The following DNAH11 variants were observed in gnomAD, a reference collection of about 807,000 sequenced individuals.
DNAH11 encodes dynein axonemal heavy chain 11, also known as axonemal beta dynein heavy chain 11.
DNAH11 carries 442 observed loss-of-function variants against 526.0 expected under a neutral mutation model. That is an observed-to-expected ratio of 0.84 (90% CI 0.78 to 0.91). The LOEUF (loss-of-function observed/expected upper bound fraction) is 0.91. Ranked by LOEUF, DNAH11 falls within the 40% of genes least tolerant of loss-of-function variation. DNAH11 has a pLI of 0.00. For synonymous variants in DNAH11, 2,461 were observed against 1,935.9 expected, an observed-to-expected ratio of 1.27 and a Z score of -7.12; for missense variants, 6,989 against 5,448.7, an observed-to-expected ratio of 1.28 and a Z score of -8.90.
chr7:21,735,639 G>C lies in DNAH11; in HGVS notation c.7441-1G>C, dbSNP rs2128489042. On this transcript the variant is annotated splice_acceptor_variant, in intron 45 of 81. Transcript: ENST00000409508. LOFTEE classifies it high-confidence loss of function. Reference sequence around the variant, plus strand: ...TTGTCTCATTCTGTTTCTCCTCCCAGACAGTTCTCGTTCACACAACAGAGA... The same window carrying C: ...TTGTCTCATTCTGTTTCTCCTCCCACACAGTTCTCGTTCACACAACAGAGA... 1 of 1,575,574 alleles carries C rather than the reference G, an allele frequency of 6.3e-7. No homozygotes were observed. The highest frequency in any genetic ancestry group is 8.6e-7 in the Non-Finnish European group (1 of 1,159,062).
At chr7:21,801,755 A>G (rs1789006412) in intron 62 of DNAH11, among the ~76,000 whole-genome samples, 1 of 152,212 alleles carries the variant, frequency 6.6e-6, no homozygotes, top group Non-Finnish European at 1.5e-5. Context: ...TCCTTTTAAT[A>G]TACATTTGCC....
intron 56 of DNAH11, 58 bp downstream of exon 56, chr7:21,774,057 AT>A: frequency 7.2e-7 from 1 of 1,397,266 alleles, no homozygotes; most frequent in South Asian, 1.5e-5. Flanking sequence ...AGAAAAATAT[AT>A]TTCCTTTTGA....
chr7:21,767,356 T>C (rs917116358), intron 55 of DNAH11, among the ~76,000 whole-genome samples: 1 of 152,182 alleles, frequency 6.6e-6, no homozygotes, highest in African/African-American at 2.4e-5. Context: ...CACAGTGCTT[T>C]TTACAGTTTC....
intron 25 of DNAH11, among the ~76,000 whole-genome samples, chr7:21,632,638 G>A (rs765341544): frequency 1.3e-5 from 2 of 152,136 alleles, no homozygotes; most frequent in East Asian, 1.9e-4. Flanking sequence ...CTTTGTTCCA[G>A]TTCCCAACAA....
At chr7:21,653,336 C>G (rs1781868828) in intron 28 of DNAH11, among the ~76,000 whole-genome samples, 3 of 152,144 alleles carry the variant, frequency 2.0e-5, no homozygotes, top group African/African-American at 2.4e-5. Flanking sequence ...TAGTCTTGTT[C>G]CCTCAGAAAG....
At chr7:21,765,389 T>C (rs1787129646) in intron 54 of DNAH11, 39 bp from the exon 55 acceptor site, 1 of 1,612,432 alleles carries the variant, frequency 6.2e-7, no homozygotes. Context: ...TGCTCATTCA[T>C]CACCCGCCTG....
chr7:21,592,977 G>T lies in DNAH11; in HGVS notation c.2667+1400G>T, dbSNP rs367786545. 7.6e-4 allele frequency among the ~76,000 whole-genome samples: 116 copies of T among 152,284 alleles called. No individual in the cohort carries two copies. The Middle Eastern group carries it at 0.014, about 18-fold the overall frequency. ...GACTAGAATTGCAAATGTGTCTTGT[G>T]TTCAGGGCAAAATCCAGGTAAGTAA... is the stretch of plus-strand genomic sequence containing the variant. On this transcript the variant is annotated intron_variant, in intron 14 of 81. Coordinates refer to ENST00000409508, the MANE Select transcript of DNAH11 (RefSeq NM_001277115.2).
chr7:21,561,816 T>C (rs1783469934), intron 5 of DNAH11, among the ~76,000 whole-genome samples: 1 of 152,236 alleles, frequency 6.6e-6, no homozygotes, highest in African/African-American at 2.4e-5. Context: ...CATTTAGTTA[T>C]GGATATACAT....
chr7:21,855,637 C>T (rs1473310402), intron 68 of DNAH11, among the ~76,000 whole-genome samples: 1 of 152,176 alleles, frequency 6.6e-6, no homozygotes, highest in African/African-American at 2.4e-5. Flanking sequence ...GTAACTGTTT[C>T]CAAAGCCCAC....
chr7:21,599,901 G>T lies in DNAH11; in HGVS notation c.2782G>T (p.Asp928Tyr). 1 of 1,610,848 alleles carries T rather than the reference G, an allele frequency of 6.2e-7. No individual in the cohort carries two copies. The highest frequency in any genetic ancestry group is 8.5e-7 in the Non-Finnish European group (1 of 1,177,936). The part of the protein sequence containing the change: ...GFFQAIMHDL[D>Y]FFLKNTEKQL... ...TTTTCAGGCTATAATGCACGACTTAGACTTCTTTCTGAAGAATACAGAGAA... is the reference window on the plus strand; with the variant it reads ...TTTTCAGGCTATAATGCACGACTTATACTTCTTTCTGAAGAATACAGAGAA... Residue 928 changes from aspartate (D) to tyrosine (Y), a missense_variant, in exon 15 of 82, where the codon GAC becomes TAC. Asp to Tyr is a radical substitution (Grantham distance 160). Transcript: ENST00000409508.
At chr7:21,616,406 C>T (rs1235877354) in intron 22 of DNAH11, 114 bp downstream of exon 22, 2 of 758,484 alleles carry the variant, frequency 2.6e-6, no homozygotes, top group Non-Finnish European at 4.1e-6. Context: ...TTACTTCTAA[C>T]AGAGTGATAG....
chr7:21,788,454 C>G (rs1467616078), intron 60 of DNAH11, among the ~76,000 whole-genome samples: 1 of 151,986 alleles, frequency 6.6e-6, no homozygotes, highest in Non-Finnish European at 1.5e-5. Context: ...AATAAAATGT[C>G]TCAGCCCCGT....
chr7:21,756,053 T>G (rs1245017456), intron 54 of DNAH11, among the ~76,000 whole-genome samples: 2 of 152,138 alleles, frequency 1.3e-5, no homozygotes, highest in African/African-American at 4.8e-5. Context: ...TGTTTTACAT[T>G]CATATTTATT....
chr7:21,617,025 C>T (rs946756560), intron 22 of DNAH11, among the ~76,000 whole-genome samples: 4 of 152,208 alleles, frequency 2.6e-5, no homozygotes, highest in African/African-American at 9.6e-5. Context: ...TCCCTTCATT[C>T]TTTCGGATGT....
At chr7:21,782,296 C>T (rs986218443) in intron 57 of DNAH11, among the ~76,000 whole-genome samples, 5 of 152,190 alleles carry the variant, frequency 3.3e-5, no homozygotes, top group South Asian at 2.1e-4. Context: ...ACTCTCTAGG[C>T]ACTCCCTGCA....
intron 65 of DNAH11, among the ~76,000 whole-genome samples, chr7:21,829,856 A>G (rs1466847869): frequency 6.6e-6 from 1 of 152,234 alleles, no homozygotes; most frequent in East Asian, 1.9e-4. Flanking sequence ...TCTTGTTTTC[A>G]GGAAACTGAT....
chr7:21,885,188 AC>A lies in DNAH11; in HGVS notation c.12507+779del, dbSNP rs1198858919. Among the ~76,000 whole-genome samples, 253 of 95,738 alleles carry A rather than the reference AC, an allele frequency of 2.6e-3. 10 individuals carry two copies. Among genetic ancestry groups the A allele is most frequent in the Middle Eastern group, 0.017 (3 of 174 alleles). The allele number at this position is 95,738 out of a possible 152,430, so 62.8% of individuals were successfully genotyped here. A position where few individuals can be genotyped will look rare whatever the true frequency, so the allele number is the denominator to read the frequency against. ...ATGAACTATAAAAAAAAAAAAAAAA[AC>A]ACACACATTTATGACACAATGGGAA... On this transcript the variant is annotated intron_variant, in intron 76 of 81. Transcript: ENST00000409508.
chr7:21,658,766 C>CTGTTATATAACTA, intron 29 of DNAH11, 32 bp from the exon 30 acceptor site: 1 of 1,511,946 alleles, frequency 6.6e-7, no homozygotes, highest in South Asian at 1.3e-5. Context: ...ATAGTTAAGC[C>CTGTTATATAACTA]TGTGTTATAA....
chr7:21,554,202 C>T (rs1280470107), intron 2 of DNAH11, among the ~76,000 whole-genome samples: 1 of 135,352 alleles, frequency 7.4e-6, no homozygotes, highest in Non-Finnish European at 1.6e-5. Context: ...TAGGGGAAGT[C>T]TCACTCTGTT....
Sources: allele counts gnomAD v4.1 joint callset (sites outside exome capture counted in the v4.1 genomes callset), GRCh38; gene constraint gnomAD v4.1.1; transcripts MANE v1.5; gene names NCBI Gene and HGNC (gene_info 2026-07-23, HGNC 2026-07-21).